RANBP2: variants seen among roughly 807,000 people sequenced by gnomAD.
RANBP2 encodes the protein RAN binding protein 2.
Under a neutral mutation model 303.6 loss-of-function variants are expected in RANBP2, and 57 were observed. The observed-to-expected ratio is 0.19, with a 90% CI of 0.15 to 0.23. RANBP2 has a LOEUF of 0.23. Among genes scored for constraint, RANBP2 ranks in the 10% least tolerant of loss-of-function variants. The pLI, the probability that RANBP2 is intolerant of heterozygous loss-of-function variation, is 1.00. For synonymous variants in RANBP2, 1,167 were observed against 1,301.5 expected (o/e 0.90, Z 2.23); for missense variants, 3,138 against 3,780.8 (o/e 0.83, Z 4.46).
chr2:109,375,522 A>G, the RANBP2 span, among the ~76,000 whole-genome samples: 2 of 152,004 alleles, frequency 1.3e-5, no homozygotes, highest in Non-Finnish European at 2.9e-5. Context: ...CAAACACTCC[A>G]CCGGGCCTTC....
At chr2:109,225,178 T>C in the RANBP2 span, among the ~76,000 whole-genome samples, 1 of 152,204 alleles carries the variant, frequency 6.6e-6, no homozygotes, top group Non-Finnish European at 1.5e-5. Flanking sequence ...TGGCTTCTGC[T>C]AGTTCTGAGA....
At chr2:108,843,886 CTT>C in the RANBP2 span, among the ~76,000 whole-genome samples, 6,762 of 93,598 alleles carry the variant, frequency 0.072, 904 homozygotes, top group South Asian at 0.13. Context: ...GTGTTTCTTT[CTT>C]TTTTTTTTTT....
chr2:109,669,302 G>A, the RANBP2 span, among the ~76,000 whole-genome samples: 1 of 152,074 alleles, frequency 6.6e-6, no homozygotes, highest in Non-Finnish European at 1.5e-5. Context: ...AAAATCACAG[G>A]CGACCAAAGC....
the RANBP2 span, among the ~76,000 whole-genome samples, chr2:109,642,414 T>C: frequency 6.6e-6 from 1 of 152,204 alleles, no homozygotes; most frequent in Non-Finnish European, 1.5e-5. Context: ...GTCTCAGTAA[T>C]TTATAACCTA....
At chr2:109,129,489 G>A in the RANBP2 span, 1 of 1,494,334 alleles carries the variant, frequency 6.7e-7, no homozygotes, top group Non-Finnish European at 8.9e-7. Context: ...CGGGCTCCAC[G>A]CCGGCCCCGG....
chr2:109,060,713 G>T, the RANBP2 span, among the ~76,000 whole-genome samples: 2 of 152,312 alleles, frequency 1.3e-5, 1 homozygote. Context: ...CCAGCTCCAG[G>T]ATGATCCATT....
At chr2:109,512,922 A>G in the RANBP2 span, among the ~76,000 whole-genome samples, 2 of 152,276 alleles carry the variant, frequency 1.3e-5, no homozygotes, top group East Asian at 1.9e-4. Context: ...CATGGCAACC[A>G]TCTTGCACGT....
the RANBP2 span, among the ~76,000 whole-genome samples, chr2:109,509,366 A>G: frequency 6.6e-6 from 1 of 152,154 alleles, no homozygotes; most frequent in Non-Finnish European, 1.5e-5. Flanking sequence ...CGTGGCTGAA[A>G]CAACAGAAAT....
At chr2:109,176,113 C>A in the RANBP2 span, among the ~76,000 whole-genome samples, 1 of 152,274 alleles carries the variant, frequency 6.6e-6, no homozygotes, top group Admixed American at 6.5e-5. Flanking sequence ...ACCTGCATTT[C>A]CTGGGTGTCT....
At chr2:109,118,577 G>A in the RANBP2 span, among the ~76,000 whole-genome samples, 12 of 151,110 alleles carry the variant, frequency 7.9e-5, no homozygotes, top group Admixed American at 2.0e-4. Context: ...GAATATCTGC[G>A]TGTCAGTGTA....
chr2:108,760,597 A>C (rs1676660474), intron 18 of RANBP2, among the ~76,000 whole-genome samples: 1 of 152,140 alleles, frequency 6.6e-6, no homozygotes, highest in Non-Finnish European at 1.5e-5. Flanking sequence ...CTGGTTTATA[A>C]AATCCTTTGC....
the RANBP2 span, among the ~76,000 whole-genome samples, chr2:109,333,154 G>C: frequency 6.6e-6 from 1 of 152,238 alleles, no homozygotes; most frequent in African/African-American, 2.4e-5. Context: ...GGTTGATCTT[G>C]CTCGCGGCAG....
At chr2:109,311,750 C>T in the RANBP2 span, among the ~76,000 whole-genome samples, 3 of 151,012 alleles carry the variant, frequency 2.0e-5, no homozygotes, top group Non-Finnish European at 2.9e-5. Flanking sequence ...CTGAAAAGGG[C>T]GCTAATTTCA....
At chr2:108,760,079 AT>A (rs1401869231) in intron 18 of RANBP2, among the ~76,000 whole-genome samples, 3 of 152,070 alleles carry the variant, frequency 2.0e-5, no homozygotes, top group African/African-American at 7.2e-5. Flanking sequence ...GTGTTCATAG[AT>A]TCTTTTTCCT....
At chr2:108,904,108 A>G in the RANBP2 span, among the ~76,000 whole-genome samples, 1 of 152,154 alleles carries the variant, frequency 6.6e-6, no homozygotes, top group Admixed American at 6.5e-5. Flanking sequence ...AAAACCCTCA[A>G]AACTCAACAG....
the RANBP2 span, chr2:109,399,048 C>T: frequency 7.9e-7 from 1 of 1,272,948 alleles, no homozygotes; most frequent in Non-Finnish European, 1.1e-6. Flanking sequence ...GAGGCCGCCC[C>T]AGAACTGCCT....
chr2:109,210,442 G>A, the RANBP2 span, among the ~76,000 whole-genome samples: 1 of 152,252 alleles, frequency 6.6e-6, no homozygotes, highest in Admixed American at 6.5e-5. Flanking sequence ...GCTACATGTT[G>A]TTTTCAGAGT....
chr2:109,449,229 A>G, the RANBP2 span: 4 of 1,612,718 alleles, frequency 2.5e-6, no homozygotes, highest in Non-Finnish European at 3.4e-6. Context: ...ACCCCTGCGC[A>G]CCCAGAACTC....
At chr2:109,231,424 G>A in the RANBP2 span, among the ~76,000 whole-genome samples, 165 of 152,350 alleles carry the variant, frequency 1.1e-3, 1 homozygote, top group Middle Eastern at 3.4e-3. Flanking sequence ...GTTGGGGCAG[G>A]ATGCTTTGCT....
Sources: gnomAD v4.1 joint callset for allele counts (sites outside exome capture counted in the v4.1 genomes callset) on GRCh38, gnomAD v4.1.1 for gene constraint, MANE v1.5 for transcripts, NCBI Gene and HGNC (gene_info 2026-07-23, HGNC 2026-07-21) for gene names.